The following HSPA12A variants were observed in gnomAD, a reference collection of about 807,000 sequenced individuals.
The protein encoded by HSPA12A is heat shock 70 kDa protein 12A.
HSPA12A carries 28 observed loss-of-function variants against 69.2 expected under a neutral mutation model. That is an observed-to-expected ratio of 0.40 (90% confidence interval 0.30 to 0.55). The LOEUF is 0.55. Ranked by LOEUF, HSPA12A falls within the 20% of genes least tolerant of loss-of-function variation. The pLI is 0.38. For synonymous variants in HSPA12A, 345 were observed against 370.5 expected, an observed-to-expected ratio of 0.93 and a Z score of 0.79; for missense variants, 686 against 900.7, an observed-to-expected ratio of 0.76 and a Z score of 3.05.
chr10:116,714,953 C>G (rs369367738), intron 1 of HSPA12A, among the ~76,000 whole-genome samples: 1 of 152,218 alleles, frequency 6.6e-6, no homozygotes, highest in African/African-American at 2.4e-5. Flanking sequence ...GAGAGAAGAG[C>G]CTTCTCAGCT....
intron 2 of HSPA12A, chr10:116,750,140 C>T: frequency 1.7e-6 from 1 of 589,902 alleles, no homozygotes; most frequent in East Asian, 2.9e-5. Context: ...ACCTTATGCT[C>T]ATGAGCTACC....
At chr10:116,767,943 G>GCAGTT (rs1554889943) in intron 2 of HSPA12A, among the ~76,000 whole-genome samples, 1 of 152,118 alleles carries the variant, frequency 6.6e-6, no homozygotes, top group African/African-American at 2.4e-5. Context: ...AAAAAGTTTG[G>GCAGTT]CAGTTCCTCA....
At chr10:116,717,318 T>A (rs1850636769) in intron 1 of HSPA12A, among the ~76,000 whole-genome samples, 1 of 151,978 alleles carries the variant, frequency 6.6e-6, no homozygotes, top group Admixed American at 6.5e-5. Flanking sequence ...TGAATGTAAA[T>A]CCCCATTTCA....
rs1050693997 is a variant in HSPA12A at position 116,792,697 on chromosome 10, G to A, written c.91+42238C>T. On this transcript the variant is annotated intron_variant, in intron 2 of 12. Transcript: ENST00000635765. ...AGCTACTCAGGAGGCTGAGGTGGAA[G>A]GATCGCTTGAACCCAGGAAGTCAAA... 2.0e-5 allele frequency among the ~76,000 whole-genome samples: 3 copies of A among 151,568 alleles called. No individual in the cohort carries two copies. In the South Asian group the frequency reaches 6.3e-4, roughly 32 times the overall value.
At chr10:116,845,347 G>A (rs1443987777) in intron 1 of HSPA12A, among the ~76,000 whole-genome samples, 1 of 152,152 alleles carries the variant, frequency 6.6e-6, no homozygotes, top group Admixed American at 6.5e-5. Flanking sequence ...CTCTAGCCCA[G>A]TCCAAACATC....
intron 2 of HSPA12A, among the ~76,000 whole-genome samples, chr10:116,772,232 G>A (rs917089123): frequency 3.1e-4 from 47 of 152,268 alleles, no homozygotes; most frequent in African/African-American, 1.1e-3. Flanking sequence ...CTGGGGCAGG[G>A]GGTACTGTGA....
At chr10:116,845,213 T>C (rs1845860118) in intron 1 of HSPA12A, among the ~76,000 whole-genome samples, 1 of 152,150 alleles carries the variant, frequency 6.6e-6, no homozygotes, top group South Asian at 2.1e-4. Context: ...AATAAAAATA[T>C]AAATGCCTCT....
At chr10:116,676,200 C>T (rs1321820328) in intron 11 of HSPA12A, among the ~76,000 whole-genome samples, 199 bp downstream of exon 11, 7 of 152,298 alleles carry the variant, frequency 4.6e-5, no homozygotes, top group African/African-American at 9.6e-5. Flanking sequence ...CTTTGCAGTA[C>T]GAGGAGAGGG....
intron 2 of HSPA12A, among the ~76,000 whole-genome samples, chr10:116,803,410 A>G (rs1845000839): frequency 6.6e-6 from 1 of 152,214 alleles, no homozygotes; most frequent in South Asian, 2.1e-4. Flanking sequence ...CCCATGGGCA[A>G]GGACCCAGGT....
intron 2 of HSPA12A, among the ~76,000 whole-genome samples, chr10:116,763,940 C>T (rs1411464886): frequency 2.6e-5 from 4 of 152,030 alleles, no homozygotes; most frequent in African/African-American, 7.2e-5. Context: ...AGGACCATGG[C>T]GTTATTGGGG....
chr10:116,742,938 A>G (rs2133072701), upstream of HSPA12A, among the ~76,000 whole-genome samples: 1 of 151,702 alleles, frequency 6.6e-6, no homozygotes, highest in Non-Finnish European at 1.5e-5. Context: ...GCCCTTCAGC[A>G]AGCCCAGCGC....
At chr10:116,705,883 TCTCTCTCTCC>T (rs1316714981) in intron 2 of HSPA12A, among the ~76,000 whole-genome samples, 3 of 148,024 alleles carry the variant, frequency 2.0e-5, no homozygotes, top group African/African-American at 7.4e-5. Flanking sequence ...TCCAAGCCTT[TCTCTCTCTCC>T]TTTTTTTTTT....
intron 1 of HSPA12A, among the ~76,000 whole-genome samples, chr10:116,711,546 A>T (rs1850428074): frequency 6.6e-6 from 1 of 152,220 alleles, no homozygotes. Flanking sequence ...AGATTAAATA[A>T]AGGCCTACTC....
Position 116,673,807 on chromosome 10 carries a change from G to A in HSPA12A, c.*974C>T, listed in dbSNP as rs1265084187. 1.3e-5 allele frequency: 2 copies of A among 152,132 alleles called. No individual in the cohort carries two copies. Among genetic ancestry groups the A allele is most frequent in the Non-Finnish European group, 1.5e-5 (1 of 68,034 alleles). The allele number at this position is 152,132 out of a possible 1,614,324, so 9.4% of individuals were successfully genotyped here. ...TTCCTTTCAAAATGTGGAATTAAATGGCCAAAACTCTTAGGGAGATGAAGG... is the reference window on the plus strand; with the variant it reads ...TTCCTTTCAAAATGTGGAATTAAATAGCCAAAACTCTTAGGGAGATGAAGG... On this transcript the variant is annotated 3_prime_UTR_variant, in exon 12 of 12. Transcript: ENST00000369209.
chr10:116,790,899 C>T (rs1421721017), intron 2 of HSPA12A, among the ~76,000 whole-genome samples: 7 of 152,270 alleles, frequency 4.6e-5, no homozygotes, highest in Admixed American at 3.9e-4. Context: ...CCATGTTAGC[C>T]ATGCTGGTCT....
At chr10:116,792,259 CAAAAAAAAAAA>C (rs55642476) in intron 2 of HSPA12A, among the ~76,000 whole-genome samples, 1 of 61,004 alleles carries the variant, frequency 1.6e-5, no homozygotes, top group Admixed American at 2.5e-4. Flanking sequence ...AACTCGGTCT[CAAAAAAAAAAA>C]AAAAAAAAAA....
intron 2 of HSPA12A, among the ~76,000 whole-genome samples, chr10:116,772,592 A>C (rs942033938): frequency 5.3e-5 from 8 of 152,208 alleles, no homozygotes; most frequent in Non-Finnish European, 1.0e-4. Context: ...TCTGGCTCCA[A>C]AGTTCCAAGT....
intron 7 of HSPA12A, among the ~76,000 whole-genome samples, chr10:116,682,680 G>A (rs1849448615): frequency 6.6e-6 from 1 of 152,132 alleles, no homozygotes; most frequent in Non-Finnish European, 1.5e-5. Flanking sequence ...GGTCAGGAAA[G>A]GTTAAGGGGC....
chr10:116,727,788 T>C (rs1554885243), intron 1 of HSPA12A, among the ~76,000 whole-genome samples: 1 of 145,734 alleles, frequency 6.9e-6, no homozygotes, highest in African/African-American at 2.6e-5. Context: ...GAAAGAGTCT[T>C]ACTATGTCAC....
Sources: gnomAD v4.1 joint callset for allele counts (sites outside exome capture counted in the v4.1 genomes callset) on GRCh38, gnomAD v4.1.1 for gene constraint, MANE v1.5 for transcripts, NCBI Gene and HGNC (gene_info 2026-07-23, HGNC 2026-07-21) for gene names.